CPQ: variants seen among roughly 807,000 people sequenced by gnomAD.
The protein encoded by CPQ is Ser-Met dipeptidase.
A neutral mutation model predicts 45.7 loss-of-function variants in CPQ; 37 were observed. The observed-to-expected ratio is 0.81, with a 90% CI of 0.62 to 1.07. CPQ has a LOEUF of 1.07. Among genes scored for constraint, CPQ ranks in the 50% least tolerant of loss-of-function variants. CPQ has a pLI of 0.00. For synonymous variants in CPQ, 186 were observed against 205.8 expected, an observed-to-expected ratio of 0.90 and a Z score of 0.82; for missense variants, 537 against 572.9, an observed-to-expected ratio of 0.94 and a Z score of 0.64.
chr8:96,836,380 C>A (rs1467607510), intron 3 of CPQ, among the ~76,000 whole-genome samples: 1 of 152,074 alleles, frequency 6.6e-6, no homozygotes, highest in Non-Finnish European at 1.5e-5. Flanking sequence ...AAGATATCTT[C>A]CCAGGGGAGG....
At chr8:97,060,221 G>GGAA (rs1226468760) in intron 6 of CPQ, among the ~76,000 whole-genome samples, 1 of 152,040 alleles carries the variant, frequency 6.6e-6, no homozygotes, top group East Asian at 1.9e-4. Flanking sequence ...GTTTATATTA[G>GGAA]GAAGTATTTT....
intron 4 of CPQ, among the ~76,000 whole-genome samples, chr8:96,919,743 T>C (rs6983563): frequency 0.49 from 74,010 of 152,056 alleles, 20,217 homozygotes; most frequent in Non-Finnish European, 0.62. Context: ...ATATCTTTCA[T>C]ATTTAAAATT....
At chr8:96,871,024 AAT>A (rs1301543079) in intron 3 of CPQ, among the ~76,000 whole-genome samples, 1 of 152,028 alleles carries the variant, frequency 6.6e-6, no homozygotes, top group Non-Finnish European at 1.5e-5. Flanking sequence ...TATTTAAGCA[AAT>A]ATACTGATAA....
intron 1 of CPQ, among the ~76,000 whole-genome samples, chr8:96,770,308 G>A (rs1810524117): frequency 6.6e-6 from 1 of 152,106 alleles, no homozygotes; most frequent in African/African-American, 2.4e-5. Context: ...CATTTGCCCT[G>A]CTCCCATCAT....
At chr8:96,806,381 G>A (rs75535983) in intron 2 of CPQ, among the ~76,000 whole-genome samples, 8,634 of 152,238 alleles carry the variant, frequency 0.057, 370 homozygotes, top group Non-Finnish European at 0.087. Flanking sequence ...ACTTTAGAGA[G>A]CTACTAAATG....
intron 2 of CPQ, among the ~76,000 whole-genome samples, chr8:96,786,262 A>G (rs1810767271): frequency 6.6e-6 from 1 of 152,146 alleles, no homozygotes; most frequent in Admixed American, 6.6e-5. Context: ...TTTTACATGA[A>G]TGGAATAATA....
intron 4 of CPQ, among the ~76,000 whole-genome samples, chr8:96,958,430 C>A (rs1461741987): frequency 7.0e-6 from 1 of 143,604 alleles, no homozygotes; most frequent in African/African-American, 2.8e-5. Flanking sequence ...AGGAGGAATT[C>A]AAATACATGG....
intron 6 of CPQ, among the ~76,000 whole-genome samples, chr8:97,037,175 G>A (rs1018526643): frequency 1.3e-5 from 2 of 152,148 alleles, no homozygotes; most frequent in African/African-American, 4.8e-5. Flanking sequence ...ACCTGCATTA[G>A]GTTTCATGTT....
At chr8:97,105,528 G>A (rs1811390179) in intron 7 of CPQ, among the ~76,000 whole-genome samples, 1 of 152,114 alleles carries the variant, frequency 6.6e-6, no homozygotes, top group South Asian at 2.1e-4. Flanking sequence ...ATAAACATTG[G>A]TATACAAATA....
At chr8:96,718,333 T>A (rs1809712540) in intron 1 of CPQ, among the ~76,000 whole-genome samples, 1 of 152,070 alleles carries the variant, frequency 6.6e-6, no homozygotes, top group African/African-American at 2.4e-5. Context: ...TGTCTGGAGT[T>A]TTTTCCTTCT....
intron 4 of CPQ, among the ~76,000 whole-genome samples, chr8:96,962,366 G>T (rs1416069060): frequency 2.0e-5 from 3 of 152,206 alleles, no homozygotes; most frequent in Non-Finnish European, 2.9e-5. Context: ...ATTGGTCAGT[G>T]CCTTGAGTGC....
chr8:96,958,077 T>C (rs765870627), intron 4 of CPQ, among the ~76,000 whole-genome samples: 17 of 151,800 alleles, frequency 1.1e-4, no homozygotes, highest in Admixed American at 2.0e-4. Context: ...CTGGCCTCAA[T>C]TGATCCTCCC....
At chr8:96,836,593 A>G (rs1586420463) in intron 3 of CPQ, among the ~76,000 whole-genome samples, 1 of 152,172 alleles carries the variant, frequency 6.6e-6, no homozygotes, top group African/African-American at 2.4e-5. Context: ...TAATACCTCC[A>G]TCACCCCTTG....
At chr8:96,681,747 A>T (rs574117756) in intron 1 of CPQ, among the ~76,000 whole-genome samples, 1 of 152,312 alleles carries the variant, frequency 6.6e-6, no homozygotes, top group East Asian at 1.9e-4. Context: ...AGCCCATGAA[A>T]GCAGCCAGGA....
At chr8:96,709,994 T>A (rs1275469667) in intron 1 of CPQ, among the ~76,000 whole-genome samples, 1 of 152,130 alleles carries the variant, frequency 6.6e-6, no homozygotes, top group Non-Finnish European at 1.5e-5. Context: ...GGATTTCCCC[T>A]ATGAATCTCT....
intron 7 of CPQ, among the ~76,000 whole-genome samples, chr8:97,123,110 AAAAT>A (rs1811768490): frequency 8.2e-6 from 1 of 122,562 alleles, no homozygotes; most frequent in African/African-American, 3.3e-5. Context: ...TAAATAAAAT[AAAAT>A]AAAATAAAAT....
At chr8:96,954,782 T>G (rs1813327746) in intron 4 of CPQ, among the ~76,000 whole-genome samples, 2 of 152,040 alleles carry the variant, frequency 1.3e-5, no homozygotes, top group Non-Finnish European at 2.9e-5. Context: ...GTGTGTGATG[T>G]TCCCCTTCCT....
At chr8:96,655,652 A>G (rs1815629616) in intron 1 of CPQ, among the ~76,000 whole-genome samples, 1 of 152,216 alleles carries the variant, frequency 6.6e-6, no homozygotes, top group African/African-American at 2.4e-5. Context: ...TTAAACCCAT[A>G]GTAATTTCAA....
chr8:96,900,864 T>C (rs1218564907), intron 4 of CPQ, among the ~76,000 whole-genome samples: 1 of 152,180 alleles, frequency 6.6e-6, no homozygotes, highest in Non-Finnish European at 1.5e-5. Flanking sequence ...TTTCTTTCCT[T>C]TAGGCAAATT....
Sources: allele counts gnomAD v4.1 joint callset (sites outside exome capture counted in the v4.1 genomes callset), GRCh38; gene constraint gnomAD v4.1.1; transcripts MANE v1.5; gene names NCBI Gene and HGNC (gene_info 2026-07-23, HGNC 2026-07-21).